The following FMN1 variants were observed in gnomAD, a reference collection of about 807,000 sequenced individuals.
FMN1 encodes the protein formin-1.
Under a neutral mutation model 132.4 loss-of-function variants are expected in FMN1, and 110 were observed. The observed-to-expected ratio is 0.83, with a 90% CI of 0.71 to 0.97. The LOEUF is 0.97. Among genes scored for constraint, FMN1 ranks in the 50% least tolerant of loss-of-function variants. The pLI is 0.00. For missense variants in FMN1, 1,792 were observed against 1,705.3 expected, an observed-to-expected ratio of 1.05 and a Z score of -0.90; for synonymous variants, 722 against 651.7, an observed-to-expected ratio of 1.11 and a Z score of -1.64.
In FMN1 at chr15:32,950,020, T is replaced by TATATATACAC. The variant is rs2061605445; in HGVS notation, c.3138+14086_3138+14087insGTGTATATAT. Among the ~76,000 whole-genome samples, 2 of 2,910 alleles carry TATATATACAC rather than the reference T, an allele frequency of 6.9e-4. 1 individual carries two copies. Among genetic ancestry groups the TATATATACAC allele is most frequent in the Non-Finnish European group, 1.7e-3 (2 of 1,184 alleles). The allele number at this position is 2,910 out of a possible 152,430, so 1.9% of individuals were successfully genotyped here. ...ACACATACACATATATATATACACA[T>TATATATACAC]ATATATATATATACACATATATATA... On this transcript the variant is annotated intron_variant, in intron 9 of 20. Transcript: ENST00000616417.
At chr15:32,848,107 A>G (rs1375678284) in intron 17 of FMN1, among the ~76,000 whole-genome samples, 1 of 152,156 alleles carries the variant, frequency 6.6e-6, no homozygotes, top group African/African-American at 2.4e-5. Context: ...AAAGAACAGG[A>G]TTATGGCAAT....
chr15:32,977,542 G>A (rs2032309372), intron 7 of FMN1, among the ~76,000 whole-genome samples: 1 of 152,124 alleles, frequency 6.6e-6, no homozygotes, highest in African/African-American at 2.4e-5. Flanking sequence ...CTTGCTCTTA[G>A]CCAATTTTCA....
intron 6 of FMN1, among the ~76,000 whole-genome samples, chr15:33,050,637 T>C (rs1477690356): frequency 1.3e-5 from 2 of 152,218 alleles, no homozygotes; most frequent in South Asian, 4.1e-4. Flanking sequence ...TGGGCATTCT[T>C]TCTTTGGTTT....
intron 6 of FMN1, 45 bp downstream of exon 6, chr15:33,064,912 C>G (rs779728896): frequency 3.9e-5 from 53 of 1,343,078 alleles, no homozygotes; most frequent in Admixed American, 9.0e-5. Flanking sequence ...AAAGCCATTG[C>G]AGGAAGAGAT....
intron 10 of FMN1, among the ~76,000 whole-genome samples, chr15:32,921,873 A>C (rs970407534): frequency 2.0e-5 from 3 of 151,904 alleles, no homozygotes; most frequent in African/African-American, 7.3e-5. Flanking sequence ...GGGTTTCGCC[A>C]TGTTGGCCAG....
chr15:32,940,391 T>TTGTGTGTGTGTGTG (rs67121672), intron 9 of FMN1, among the ~76,000 whole-genome samples: 93 of 145,418 alleles, frequency 6.4e-4, no homozygotes, highest in African/African-American at 2.2e-3. Context: ...AAAATAAAAA[T>TTGTGTGTGTGTGTG]TGTGTGTGTG....
intron 6 of FMN1, among the ~76,000 whole-genome samples, chr15:33,044,210 G>T (rs1354263080): frequency 6.6e-6 from 1 of 152,222 alleles, no homozygotes; most frequent in Admixed American, 6.5e-5. Context: ...CTTAGCATTG[G>T]CCTGCAGGTG....
At chr15:33,061,835 G>A (rs1447252957) in intron 6 of FMN1, among the ~76,000 whole-genome samples, 1 of 152,150 alleles carries the variant, frequency 6.6e-6, no homozygotes, top group African/African-American at 2.4e-5. Flanking sequence ...AGTTGTCTTC[G>A]ATCTCTACCT....
At chr15:32,839,507 C>T (rs912586193) in intron 17 of FMN1, among the ~76,000 whole-genome samples, 4 of 152,048 alleles carry the variant, frequency 2.6e-5, no homozygotes, top group Non-Finnish European at 5.9e-5. Flanking sequence ...CAGCAGGGCA[C>T]TTTACATGTG....
At chr15:33,018,714 C>T (rs1467612982) in intron 6 of FMN1, among the ~76,000 whole-genome samples, 2 of 152,016 alleles carry the variant, frequency 1.3e-5, no homozygotes, top group Non-Finnish European at 2.9e-5. Flanking sequence ...ATGACTGTTA[C>T]GGTTCTTAAA....
At chr15:32,938,572 C>T (rs796469382) in intron 9 of FMN1, among the ~76,000 whole-genome samples, 37 of 152,156 alleles carry the variant, frequency 2.4e-4, no homozygotes, top group Middle Eastern at 3.4e-3. Context: ...AATGCTACAA[C>T]GAACAAGCAG....
chr15:33,132,078 A>G (rs1473377358), intron 4 of FMN1, among the ~76,000 whole-genome samples: 1 of 151,936 alleles, frequency 6.6e-6, no homozygotes, highest in Non-Finnish European at 1.5e-5. Flanking sequence ...CTAAAATAAC[A>G]TCTTCCACAG....
intron 5 of FMN1, among the ~76,000 whole-genome samples, chr15:33,076,632 C>A (rs79008474): frequency 0.034 from 5,154 of 152,262 alleles, 104 homozygotes; most frequent in Non-Finnish European, 0.046. Context: ...CTCTCCATAA[C>A]TCTATGAGAA....
chr15:32,908,258 G>A (rs2060474149), intron 12 of FMN1: 1 of 433,304 alleles, frequency 2.3e-6, no homozygotes, highest in South Asian at 4.0e-5. Context: ...AGAAAGGGGA[G>A]TCTCTTGGGG....
chr15:33,194,247 G>A (rs1314602577), intron 1 of FMN1, among the ~76,000 whole-genome samples, 187 bp from the exon 2 acceptor site: 1 of 19,624 alleles, frequency 5.1e-5, no homozygotes, highest in Admixed American at 6.8e-4. Flanking sequence ...CCGCCCTCCC[G>A]CCCTCCCGCC....
chr15:33,051,153 T>C (rs1271619445), intron 6 of FMN1, among the ~76,000 whole-genome samples: 1 of 152,214 alleles, frequency 6.6e-6, no homozygotes, highest in East Asian at 1.9e-4. Flanking sequence ...CCTCTATATA[T>C]ATACCATTCT....
At chr15:33,157,707 G>A (rs1031925962) in intron 3 of FMN1, among the ~76,000 whole-genome samples, 8 of 151,782 alleles carry the variant, frequency 5.3e-5, no homozygotes, top group South Asian at 2.1e-4. Flanking sequence ...TAACGCTCAC[G>A]GAGGCCAGGC....
At chr15:33,179,481 G>T (rs896133251) in intron 3 of FMN1, among the ~76,000 whole-genome samples, 1 of 152,184 alleles carries the variant, frequency 6.6e-6, no homozygotes, top group Non-Finnish European at 1.5e-5. Flanking sequence ...CTGCTCAAAT[G>T]ATGCCTCATT....
chr15:33,128,831 G>A lies in FMN1; in HGVS notation c.1867+24217C>T, dbSNP rs573354877. On this transcript the variant is annotated intron_variant, in intron 4 of 20. Transcript: ENST00000616417. ...TCACGAGCAAAATAACAAAGCCTCCGCAATGCGGAAGACAACCGGAGCAGA... is the reference window on the plus strand; with the variant it reads ...TCACGAGCAAAATAACAAAGCCTCCACAATGCGGAAGACAACCGGAGCAGA... 3.2e-4 allele frequency among the ~76,000 whole-genome samples: 49 copies of A among 152,274 alleles called. 2 individuals carry two copies. The highest frequency in any genetic ancestry group is 2.1e-3 in the South Asian group (10 of 4,820).
Sources: allele counts gnomAD v4.1 joint callset (sites outside exome capture counted in the v4.1 genomes callset), GRCh38; gene constraint gnomAD v4.1.1; transcripts MANE v1.5; gene names NCBI Gene and HGNC (gene_info 2026-07-23, HGNC 2026-07-21).